Variants in SHISA7 observed in about 807,000 individuals in gnomAD.
The protein encoded by SHISA7 is shisa family member 7, also known as protein shisa-7.
Under a neutral mutation model 23.9 loss-of-function variants are expected in SHISA7, and 6 were observed. The ratio of observed to expected loss-of-function variants is 0.25; its 90% CI spans 0.14 to 0.50. SHISA7 has a LOEUF of 0.50. Among genes scored for constraint, SHISA7 ranks in the 20% least tolerant of loss-of-function variants. The pLI, the probability that SHISA7 is intolerant of heterozygous loss-of-function variation, is 0.98. For synonymous variants in SHISA7, 386 were observed against 398.3 expected, an observed-to-expected ratio of 0.97 and a Z score of 0.37; for missense variants, 671 against 801.1, an observed-to-expected ratio of 0.84 and a Z score of 1.96.
chr19:55,437,945 C>G (rs1039866092), intron 2 of SHISA7, among the ~76,000 whole-genome samples, 191 bp from the exon 3 acceptor site: 3 of 148,910 alleles, frequency 2.0e-5, no homozygotes, highest in Non-Finnish European at 4.5e-5. Flanking sequence ...CCGCCTCCCT[C>G]AGACCCAGGA....
Position 55,442,939 on chromosome 19 carries a change from G to A in SHISA7, c.-76C>T. ...GCAGAGGTTGGAGCGCTGGGCGGGA[G>A]AGAAACGGTCAGAGGGTGAGAAACG... On this transcript the variant is annotated 5_prime_UTR_variant, in exon 1 of 4. Transcript: ENST00000376325. The A allele has an allele frequency of 1.1e-6, 1 of 910,566 alleles. No homozygotes were observed. The highest frequency in any genetic ancestry group is 1.3e-6 in the Non-Finnish European group (1 of 755,332). The allele number at this position is 910,566 out of a possible 1,614,324, so 56.4% of individuals were successfully genotyped here. A position where few individuals can be genotyped will look rare whatever the true frequency, so the allele number is the denominator to read the frequency against.
chr19:55,436,004 G>A (rs570192404), intron 3 of SHISA7, among the ~76,000 whole-genome samples: 46 of 152,102 alleles, frequency 3.0e-4, no homozygotes, highest in African/African-American at 1.1e-3. Flanking sequence ...AATCGTTTCT[G>A]GGCCGAGCAC....
At position 55,433,324 on chromosome 19, in the gene SHISA7, G is replaced by A; in HGVS notation, c.1449C>T (p.His483=). Reference sequence around the variant, plus strand: ...ACATCCAGGCCGGCTGCGGCGAGCCGTGCAGGGCGTGGTGGTGGTGGGCGT... The same window carrying A: ...ACATCCAGGCCGGCTGCGGCGAGCCATGCAGGGCGTGGTGGTGGTGGGCGT... The part of the protein sequence containing the change: ...SLHAHHHHAL[H]GSPQPAWMSD... Residue 483 remains histidine, a synonymous_variant, in exon 4 of 4, where the codon CAC becomes CAT. Transcript: ENST00000376325. This position sits in a 1 kb window ranked among gnomAD's most constrained non-coding sequence, Gnocchi z 8.4. 1 of 1,461,016 alleles carries A rather than the reference G, an allele frequency of 6.8e-7. No individual in the cohort carries two copies. The allele number at this position is 1,461,016 out of a possible 1,614,324, so 90.5% of individuals were successfully genotyped here.
intron 1 of SHISA7, among the ~76,000 whole-genome samples, chr19:55,441,634 T>G (rs556184917): frequency 1.8e-4 from 27 of 152,318 alleles, no homozygotes; most frequent in South Asian, 1.0e-3. Context: ...TTCCGCTGAT[T>G]TTCTTCACAG....
At position 55,442,205 on chromosome 19, in the gene SHISA7, A is replaced by T; in HGVS notation, c.659T>A (p.Ile220Asn). The part of the protein sequence containing the change: ...ASRAPRAHRD[I>N]NVPRALVDIL... The stretch of plus-strand genomic sequence containing the variant: ...AGAGCACACGCACCTGGGCACGTTG[A>T]TATCCCGGTGCGCCCGGGGCGCACG... Residue 220 changes from isoleucine (I) to asparagine (N), a missense_variant, in exon 1 of 4, where the codon ATC becomes AAC. Around this residue, in one of 5 missense-constraint regions of SHISA7, gnomAD observed 457 missense variants for 488.3 expected, o/e 0.94. Coordinates refer to ENST00000376325, the MANE Select transcript of SHISA7 (RefSeq NM_001145176.2). 6.5e-7 allele frequency: 1 copy of T among 1,533,318 alleles called. No individual in the cohort carries two copies. The highest frequency in any genetic ancestry group is 8.7e-7 in the Non-Finnish European group (1 of 1,145,406). The allele number at this position is 1,533,318 out of a possible 1,614,324, so 95.0% of individuals were successfully genotyped here. A position where few individuals can be genotyped will look rare whatever the true frequency, so the allele number is the denominator to read the frequency against.
At chr19:55,434,856 TGTATATGTG>T (rs1279096965) in intron 3 of SHISA7, among the ~76,000 whole-genome samples, 2 of 90,964 alleles carry the variant, frequency 2.2e-5, no homozygotes, top group East Asian at 7.0e-4. Flanking sequence ...TGTGCGTGTG[TGTATATGTG>T]GTGTGTGTGG....
intron 3 of SHISA7, among the ~76,000 whole-genome samples, chr19:55,435,091 TGTGTGTGTATG>T (rs1985400900): frequency 1.3e-4 from 4 of 29,930 alleles, no homozygotes; most frequent in Non-Finnish European, 2.0e-4. Context: ...GTGTGTGTGG[TGTGTGTGTATG>T]GTGTGTGTGT....
rs765901370 is a variant in SHISA7, at chr19:55,433,688, C to T, written c.1085G>A (p.Arg362His). ...CTCTGGGCCGCCCCAGGCCTCCATGCGATAGCCGCCCCCCGTGCCCGGCCG... is the reference window on the plus strand; with the variant it reads ...CTCTGGGCCGCCCCAGGCCTCCATGTGATAGCCGCCCCCCGTGCCCGGCCG... ...LRRPGTGGGY[R>H]MEAWGGPEEL... Residue 362 changes from arginine (R) to histidine (H), a missense_variant, in exon 4 of 4, where the codon CGC (arginine) becomes CAC (histidine). Physicochemically the swap from Arg to His is conservative, Grantham distance 29 (BLOSUM62 0). Transcript: ENST00000376325. The surrounding 1 kb of genome is among the most constrained non-coding windows in gnomAD (Gnocchi z 8.4). 8 of 1,481,928 alleles carry T rather than the reference C, an allele frequency of 5.4e-6. No individual in the cohort carries two copies. The highest frequency in any genetic ancestry group is 7.1e-6 in the Non-Finnish European group (8 of 1,123,944). The allele number at this position is 1,481,928 out of a possible 1,614,324, so 91.8% of individuals were successfully genotyped here. A position where few individuals can be genotyped will look rare whatever the true frequency, so the allele number is the denominator to read the frequency against.
Position 55,440,790 on chromosome 19 carries a change from A to C in SHISA7, c.672-25T>G, listed in dbSNP as rs376898028. 16 of 1,238,178 alleles carry C rather than the reference A, an allele frequency of 1.3e-5. No homozygotes were observed. In the South Asian group the frequency reaches 6.6e-4, roughly 51 times the overall value. The allele number at this position is 1,238,178 out of a possible 1,614,324, so 76.7% of individuals were successfully genotyped here. A position where few individuals can be genotyped will look rare whatever the true frequency, so the allele number is the denominator to read the frequency against. Reference sequence around the variant, plus strand: ...TCTAAAGGTGGCAGAGAGGTGGTCAAAGGCCTGGGGGCTGAGGGTGGCAGG... The same window carrying C: ...TCTAAAGGTGGCAGAGAGGTGGTCACAGGCCTGGGGGCTGAGGGTGGCAGG... On this transcript the variant is annotated intron_variant, in intron 1 of 3. Transcript: ENST00000376325.
intron 2 of SHISA7, chr19:55,438,634 G>C (rs1374707538): frequency 7.7e-7 from 1 of 1,304,198 alleles, no homozygotes; most frequent in South Asian, 1.2e-5. Flanking sequence ...TATCTGGGGG[G>C]ACCGAGAAGG....
chr19:55,437,578 C>G, intron 3 of SHISA7, 27 bp downstream of exon 3: 3 of 1,546,150 alleles, frequency 1.9e-6, no homozygotes, highest in Non-Finnish European at 2.6e-6. Context: ...TCCCCTTCAC[C>G]GCCGCGCTGC....
rs1160895563 is a variant in SHISA7, at chr19:55,435,589, CAAAAAAAA to C, written c.977-1801_977-1794del. Among the ~76,000 whole-genome samples, 467 of 66,450 alleles carry C rather than the reference CAAAAAAAA, an allele frequency of 7.0e-3. 2 individuals carry two copies. Among genetic ancestry groups the C allele is most frequent in the African/African-American group, 0.024 (415 of 17,054 alleles). The allele number at this position is 66,450 out of a possible 152,430, so 43.6% of individuals were successfully genotyped here. ...GCAATATAGTGAGACTCCATCTCTA[CAAAAAAAA>C]AAAAAAAAAAAAAAAAATTAGCTAA... On this transcript the variant is annotated intron_variant, in intron 3 of 3. Coordinates refer to ENST00000376325, the MANE Select transcript of SHISA7 (RefSeq NM_001145176.2).
intron 1 of SHISA7, among the ~76,000 whole-genome samples, chr19:55,441,015 A>G (rs1266366455): frequency 1.3e-5 from 2 of 151,382 alleles, no homozygotes; most frequent in Non-Finnish European, 2.9e-5. Flanking sequence ...GGTCCCTCTC[A>G]CTTCCCTGTG....
intron 3 of SHISA7, among the ~76,000 whole-genome samples, chr19:55,434,801 TGCGTGTGTGC>T (rs1985361287): frequency 9.5e-6 from 1 of 105,754 alleles, no homozygotes. Flanking sequence ...GGTGTGTGTG[TGCGTGTGTGC>T]ATGGTGTGTA....
chr19:55,431,328 G>A lies in SHISA7; in HGVS notation c.*1828C>T, dbSNP rs1032146743. The A allele has an allele frequency of 6.6e-6, 1 of 152,128 alleles. No individual in the cohort carries two copies. Among genetic ancestry groups the A allele is most frequent in the Admixed American group, 6.5e-5 (1 of 15,270 alleles). The allele number at this position is 152,128 out of a possible 1,614,324, so 9.4% of individuals were successfully genotyped here. ...TCAGTCCTAGTGGATTTCAGTAGAG[G>A]ATGTCTCTGTCAGGTGTAGTGGATT... On this transcript the variant is annotated 3_prime_UTR_variant, in exon 4 of 4. Transcript: ENST00000376325.
Position 55,432,993 on chromosome 19 carries a change from G to C in SHISA7, c.*163C>G. ...CTTGGCTCAAGCAGTGAAGTAATAG[G>C]AGGAGGAATCTTGTCTGCCAGGACA... On this transcript the variant is annotated 3_prime_UTR_variant, in exon 4 of 4. Coordinates refer to ENST00000376325, the MANE Select transcript of SHISA7 (RefSeq NM_001145176.2). The surrounding 1 kb of genome is among the most constrained non-coding windows in gnomAD (Gnocchi z 4.6). 1 of 858,836 alleles carries C rather than the reference G, an allele frequency of 1.2e-6. No homozygotes were observed. The highest frequency in any genetic ancestry group is 1.7e-6 in the Non-Finnish European group (1 of 599,354). The allele number at this position is 858,836 out of a possible 1,614,324, so 53.2% of individuals were successfully genotyped here. A position where few individuals can be genotyped will look rare whatever the true frequency, so the allele number is the denominator to read the frequency against.
rs529891631 is a variant in SHISA7 at position 55,433,883 on chromosome 19, A to G, written c.977-87T>C. 7.2e-4 allele frequency: 936 copies of G among 1,305,768 alleles called. 4 individuals are homozygous for G. The African/African-American group carries it at 0.012, about 17-fold the overall frequency. 80.9% of individuals were successfully genotyped at this position (1,305,768 alleles called of 1,614,324 possible). On this transcript the variant is annotated intron_variant, in intron 3 of 3. Transcript: ENST00000376325. This position sits in a 1 kb window ranked among gnomAD's most constrained non-coding sequence, Gnocchi z 8.4. The stretch of plus-strand genomic sequence containing the variant: ...TCCCACCTCGTCACATCCCGCTCCT[A>G]TGCTCCTTGTGCCCCCACAAGGATC...
At chr19:55,438,517 G>A in intron 2 of SHISA7, 2 of 1,299,800 alleles carry the variant, frequency 1.5e-6, no homozygotes, top group African/African-American at 1.5e-5. Flanking sequence ...AAGGGGGAAG[G>A]GAAGGAGGCC....
chr19:55,440,887 G>T, intron 1 of SHISA7, 122 bp from the exon 2 acceptor site: 1 of 957,744 alleles, frequency 1.0e-6, no homozygotes, highest in South Asian at 5.5e-5. Flanking sequence ...TGCCTTTTTC[G>T]CCATTGGCCA....
Sources: gnomAD v4.1 joint callset for allele counts (sites outside exome capture counted in the v4.1 genomes callset) on GRCh38, gnomAD v4.1.1 for gene constraint, gnomAD v4.1.1 regional missense constraint, Gnocchi (gnomAD v3.1) non-coding constraint, MANE v1.5 for transcripts, NCBI Gene and HGNC (gene_info 2026-07-23, HGNC 2026-07-21) for gene names.